Variants in GPC6 observed in about 807,000 individuals in gnomAD.
The protein encoded by GPC6 is glypican-6.
In GPC6, 14 loss-of-function variants were observed where a neutral mutation model predicts 55.2. That is an observed-to-expected ratio of 0.25 (90% CI 0.17 to 0.40). GPC6 has a LOEUF of 0.40. Ranked by LOEUF, GPC6 falls within the 10% of genes least tolerant of loss-of-function variation. The pLI, the probability that GPC6 is intolerant of heterozygous loss-of-function variation, is 1.00. For synonymous variants in GPC6, 278 were observed against 259.6 expected (o/e 1.07, Z -0.68); for missense variants, 641 against 708.5 (o/e 0.90, Z 1.08).
intron 1 of GPC6, among the ~76,000 whole-genome samples, chr13:93,277,066 A>G (rs780903616): frequency 2.6e-5 from 4 of 152,294 alleles, no homozygotes; most frequent in African/African-American, 7.2e-5. Context: ...CCAGGGAGGG[A>G]AATTTTTCCT....
At chr13:94,402,914 T>A in intron 8 of GPC6, 101 bp from the exon 9 acceptor site, 1 of 886,036 alleles carries the variant, frequency 1.1e-6, no homozygotes, top group South Asian at 1.3e-5. Context: ...CCCTGACAGG[T>A]GGGGATTATG....
chr13:93,690,378 C>G (rs1205807305), intron 2 of GPC6, among the ~76,000 whole-genome samples: 2 of 151,950 alleles, frequency 1.3e-5, no homozygotes, highest in Non-Finnish European at 2.9e-5. Flanking sequence ...AGTCTAGGAC[C>G]ATGGACAGCT....
At chr13:93,926,335 A>G (rs903888548) in intron 3 of GPC6, among the ~76,000 whole-genome samples, 3 of 152,190 alleles carry the variant, frequency 2.0e-5, no homozygotes, top group Non-Finnish European at 2.9e-5. Flanking sequence ...TATCTAAGGG[A>G]GAAAAAAGAA....
chr13:94,029,835 G>T (rs1040834447), intron 4 of GPC6, among the ~76,000 whole-genome samples: 1 of 152,100 alleles, frequency 6.6e-6, no homozygotes, highest in Non-Finnish European at 1.5e-5. Context: ...TTATGCTTTC[G>T]ATCAATTGAG....
chr13:93,765,032 C>T (rs558737543), intron 2 of GPC6, among the ~76,000 whole-genome samples: 51 of 152,196 alleles, frequency 3.4e-4, no homozygotes, highest in Non-Finnish European at 6.2e-4. Flanking sequence ...ATCTCCTGAC[C>T]TCGCGATCCA....
At chr13:93,865,434 A>T (rs2139031324) in intron 3 of GPC6, among the ~76,000 whole-genome samples, 1 of 151,852 alleles carries the variant, frequency 6.6e-6, no homozygotes. Flanking sequence ...GCGGATTATG[A>T]CTTCTGCTCT....
chr13:93,818,084 T>A (rs192049492), intron 2 of GPC6, among the ~76,000 whole-genome samples: 2,848 of 147,712 alleles, frequency 0.019, 86 homozygotes, highest in African/African-American at 0.066. Flanking sequence ...CATATATATT[T>A]ATTATATGTA....
intron 3 of GPC6, among the ~76,000 whole-genome samples, chr13:93,958,446 G>T (rs1879612612): frequency 6.6e-6 from 1 of 152,244 alleles, no homozygotes; most frequent in East Asian, 1.9e-4. Context: ...CATCTATTGA[G>T]TAGGGAGTCC....
chr13:93,575,949 G>A (rs1408789762), intron 2 of GPC6, among the ~76,000 whole-genome samples: 1 of 151,800 alleles, frequency 6.6e-6, no homozygotes, highest in Non-Finnish European at 1.5e-5. Flanking sequence ...TGAGTACCCA[G>A]TTGCCTAAAT....
At chr13:94,183,692 G>C (rs1889074310) in intron 4 of GPC6, among the ~76,000 whole-genome samples, 1 of 152,058 alleles carries the variant, frequency 6.6e-6, no homozygotes, top group Non-Finnish European at 1.5e-5. Flanking sequence ...AAATCTACGA[G>C]GGTTTCAATT....
chr13:94,102,406 C>T (rs1005018743), intron 4 of GPC6, among the ~76,000 whole-genome samples: 4 of 152,030 alleles, frequency 2.6e-5, no homozygotes, highest in Admixed American at 2.6e-4. Context: ...CAGGGGCCTA[C>T]TTTTAAGACC....
intron 2 of GPC6, among the ~76,000 whole-genome samples, chr13:93,706,469 C>T (rs933261619): frequency 4.0e-5 from 6 of 151,800 alleles, no homozygotes; most frequent in South Asian, 2.1e-4. Flanking sequence ...TTTAATAAAA[C>T]GTTTGTTTTT....
chr13:93,517,332 C>T (rs2590526), intron 1 of GPC6, among the ~76,000 whole-genome samples: 143,334 of 152,046 alleles, frequency 0.94, 68,123 homozygotes, highest in East Asian at 1. Context: ...CAAGGCCAAG[C>T]CTCCTTTTCA....
At chr13:93,820,188 A>G (rs2138964170) in intron 2 of GPC6, among the ~76,000 whole-genome samples, 1 of 152,270 alleles carries the variant, frequency 6.6e-6, no homozygotes, top group African/African-American at 2.4e-5. Flanking sequence ...TTCTTCATGG[A>G]AAAGTTTATT....
intron 6 of GPC6, among the ~76,000 whole-genome samples, chr13:94,378,304 T>G (rs551513209): frequency 6.6e-6 from 1 of 152,342 alleles, no homozygotes; most frequent in Admixed American, 6.5e-5. Flanking sequence ...TAAACTGATT[T>G]TTTTAAGTCA....
At chr13:93,310,486 C>T (rs1004140639) in intron 1 of GPC6, among the ~76,000 whole-genome samples, 2 of 152,122 alleles carry the variant, frequency 1.3e-5, no homozygotes, top group East Asian at 1.9e-4. Context: ...ATTACCATGT[C>T]GAGTGGTTGT....
intron 2 of GPC6, among the ~76,000 whole-genome samples, chr13:93,630,816 T>C (rs1879395466): frequency 6.6e-6 from 1 of 152,174 alleles, no homozygotes; most frequent in Non-Finnish European, 1.5e-5. Context: ...CACCTTCTGT[T>C]ATGGGCTGAG....
At chr13:93,958,100 G>T (rs1371829346) in intron 3 of GPC6, among the ~76,000 whole-genome samples, 1 of 152,130 alleles carries the variant, frequency 6.6e-6, no homozygotes, top group African/African-American at 2.4e-5. Flanking sequence ...GTTCCTTATA[G>T]AGTCTAGATG....
At chr13:93,232,578 T>C (rs1279236872) in intron 1 of GPC6, among the ~76,000 whole-genome samples, 1 of 152,166 alleles carries the variant, frequency 6.6e-6, no homozygotes, top group Non-Finnish European at 1.5e-5. Context: ...TTACATAAAA[T>C]ATCTCTCAAC....
Sources: gnomAD v4.1 joint callset for allele counts (sites outside exome capture counted in the v4.1 genomes callset) on GRCh38, gnomAD v4.1.1 for gene constraint, MANE v1.5 for transcripts, NCBI Gene and HGNC (gene_info 2026-07-23, HGNC 2026-07-21) for gene names.